SGCD: variants seen among roughly 807,000 people sequenced by gnomAD.
The protein encoded by SGCD is delta-sarcoglycan.
Under a neutral mutation model 36.6 loss-of-function variants are expected in SGCD, and 18 were observed. The observed-to-expected ratio is 0.49, with a 90% CI of 0.34 to 0.73. The LOEUF (loss-of-function observed/expected upper bound fraction) is 0.73, where lower values mean the gene tolerates loss of function less well. SGCD is among the 30% of genes least tolerant of loss of function. SGCD has a pLI of 0.01. For synonymous variants in SGCD, 133 were observed against 130.6 expected (o/e 1.02, Z -0.12); for missense variants, 387 against 346.7 (o/e 1.12, Z -0.92).
Position 156,057,227 on chromosome 5 carries a change from A to G in SGCD, c.-281-60651A>G, listed in dbSNP as rs7730379. 7.4e-3 allele frequency among the ~76,000 whole-genome samples: 1,090 copies of G among 146,662 alleles called. 74 individuals carry two copies. Among genetic ancestry groups the G allele is most frequent in the African/African-American group, 0.025 (1,005 of 40,820 alleles). On this transcript the variant is annotated intron_variant, in intron 1 of 9. Coordinates refer to the SGCD transcript ENST00000517913. ...TAATATATGCATTGCCTATCATTTC[A>G]TACAGGGACACTTCTTCAAACCCAC...
chr5:156,556,566 T>C (rs1391021778), intron 4 of SGCD, among the ~76,000 whole-genome samples: 1 of 152,174 alleles, frequency 6.6e-6, no homozygotes, highest in African/African-American at 2.4e-5. Context: ...TTTAACTTGG[T>C]TTTATTAATT....
the SGCD span, among the ~76,000 whole-genome samples, chr5:155,824,733 T>A: frequency 2.6e-5 from 4 of 152,156 alleles, no homozygotes; most frequent in Non-Finnish European, 5.9e-5. Context: ...CCAGATGCAT[T>A]ACTGTAGCTG....
At chr5:156,235,382 C>CT (rs36046718) in intron 3 of SGCD, among the ~76,000 whole-genome samples, 1 of 152,144 alleles carries the variant, frequency 6.6e-6, no homozygotes. Context: ...CACAGTTTTC[C>CT]TTTTTTAAAA....
intron 4 of SGCD, among the ~76,000 whole-genome samples, chr5:156,511,764 C>T (rs1339697424): frequency 6.6e-6 from 1 of 152,070 alleles, no homozygotes; most frequent in Non-Finnish European, 1.5e-5. Flanking sequence ...CTGGATTTTC[C>T]CCACTGTATT....
intron 4 of SGCD, among the ~76,000 whole-genome samples, chr5:156,512,909 T>A (rs545544785): frequency 6.6e-6 from 1 of 152,284 alleles, no homozygotes; most frequent in South Asian, 2.1e-4. Flanking sequence ...CTATTTAATG[T>A]CTAACTTAAG....
chr5:156,263,444 A>G (rs573288958), intron 3 of SGCD, among the ~76,000 whole-genome samples: 2 of 151,450 alleles, frequency 1.3e-5, no homozygotes, highest in African/African-American at 4.8e-5. Context: ...TTTTTTATGA[A>G]GTTTTTTTTC....
chr5:156,461,922 C>G lies in SGCD; in HGVS notation c.193-46679C>G, dbSNP rs575763048. 8.9e-4 allele frequency among the ~76,000 whole-genome samples: 136 copies of G among 152,196 alleles called. 1 individual carries two copies. The highest frequency in any genetic ancestry group is 1.7e-3 in the Non-Finnish European group (115 of 67,990). On this transcript the variant is annotated intron_variant, in intron 3 of 8. Transcript: ENST00000337851. Reference sequence around the variant, plus strand: ...AAAAAAGTTTGGACCCTAATTGTACCTTGAGACCTTGAGCTTCCTACCTGC... The same window carrying G: ...AAAAAAGTTTGGACCCTAATTGTACGTTGAGACCTTGAGCTTCCTACCTGC...
At chr5:156,628,919 T>C (rs1409052226) in intron 6 of SGCD, among the ~76,000 whole-genome samples, 1 of 152,200 alleles carries the variant, frequency 6.6e-6, no homozygotes, top group Non-Finnish European at 1.5e-5. Context: ...ACCTTATGAG[T>C]GCAATGAAGA....
At chr5:156,150,874 A>G (rs1762816674) in intron 3 of SGCD, among the ~76,000 whole-genome samples, 1 of 151,678 alleles carries the variant, frequency 6.6e-6, no homozygotes. Flanking sequence ...ATAAAAAAGA[A>G]CTGGAAGGAC....
At chr5:155,877,683 A>G (rs558893765) in intron 1 of SGCD, among the ~76,000 whole-genome samples, 8 of 152,092 alleles carry the variant, frequency 5.3e-5, no homozygotes, top group Admixed American at 1.3e-4. Flanking sequence ...TAGTAAATTA[A>G]TGCTTCTCAA....
chr5:156,210,030 A>G (rs909836546), intron 3 of SGCD, among the ~76,000 whole-genome samples: 3 of 152,150 alleles, frequency 2.0e-5, no homozygotes, highest in Non-Finnish European at 2.9e-5. Flanking sequence ...CCCAGGCTTC[A>G]GATTTGCCCT....
chr5:155,921,820 AC>A (rs1407088956), intron 1 of SGCD, among the ~76,000 whole-genome samples: 2 of 152,238 alleles, frequency 1.3e-5, no homozygotes, highest in African/African-American at 4.8e-5. Context: ...ATCAGAAAAT[AC>A]TTGCCGAATG....
chr5:156,479,543 C>A (rs549553060), intron 3 of SGCD, among the ~76,000 whole-genome samples: 2 of 152,218 alleles, frequency 1.3e-5, no homozygotes, highest in African/African-American at 4.8e-5. Flanking sequence ...AGTTTGGGAC[C>A]CCTGTCTTAG....
At chr5:156,344,072 G>GAATAATATTT (rs1173079695) in intron 2 of SGCD, among the ~76,000 whole-genome samples, 1 of 152,092 alleles carries the variant, frequency 6.6e-6, no homozygotes, top group Non-Finnish European at 1.5e-5. Flanking sequence ...TAAATTGCCT[G>GAATAATATTT]AATAATATTT....
intron 3 of SGCD, among the ~76,000 whole-genome samples, chr5:156,241,804 C>A (rs1406845338): frequency 6.6e-6 from 1 of 152,186 alleles, no homozygotes; most frequent in Admixed American, 6.5e-5. Flanking sequence ...CACCAAGCAG[C>A]CCTTGCACAA....
At chr5:156,291,830 A>G (rs1237388168) in intron 3 of SGCD, among the ~76,000 whole-genome samples, 2 of 152,172 alleles carry the variant, frequency 1.3e-5, no homozygotes, top group Non-Finnish European at 2.9e-5. Flanking sequence ...GCTAAATAAC[A>G]TATGCATTAC....
At chr5:156,337,819 G>A (rs1361310545) in intron 2 of SGCD, among the ~76,000 whole-genome samples, 1 of 152,084 alleles carries the variant, frequency 6.6e-6, no homozygotes, top group Non-Finnish European at 1.5e-5. Context: ...TATAGTAGAT[G>A]TCAAAATATA....
chr5:155,877,292 C>T (rs1755787230), intron 1 of SGCD, among the ~76,000 whole-genome samples: 1 of 152,056 alleles, frequency 6.6e-6, no homozygotes, highest in African/African-American at 2.4e-5. Flanking sequence ...CAGGCATGGT[C>T]GTCTGATAGG....
intron 3 of SGCD, among the ~76,000 whole-genome samples, chr5:156,220,876 A>T (rs1764700809): frequency 6.6e-6 from 1 of 152,094 alleles, no homozygotes; most frequent in Non-Finnish European, 1.5e-5. Context: ...AGCAACAGGG[A>T]GTTAGTGATT....
Sources: gnomAD v4.1 joint callset for allele counts (sites outside exome capture counted in the v4.1 genomes callset) on GRCh38, gnomAD v4.1.1 for gene constraint, MANE v1.5 for transcripts, NCBI Gene and HGNC (gene_info 2026-07-23, HGNC 2026-07-21) for gene names.